Variants in SLC30A8 observed in about 807,000 individuals in gnomAD.
SLC30A8 encodes proton-coupled zinc antiporter SLC30A8.
Under a neutral mutation model 36.9 loss-of-function variants are expected in SLC30A8, and 27 were observed. The ratio of observed to expected loss-of-function variants is 0.73; its 90% CI spans 0.54 to 1.01. SLC30A8 has a LOEUF of 1.01. SLC30A8 is among the 50% of genes least tolerant of loss of function. The pLI is 0.00. For synonymous variants in SLC30A8, 164 were observed against 172.4 expected (o/e 0.95, Z 0.38); for missense variants, 439 against 452.0 (o/e 0.97, Z 0.26).
intron 2 of SLC30A8, among the ~76,000 whole-genome samples, chr8:117,065,349 C>G (rs937494396): frequency 3.3e-5 from 5 of 152,056 alleles, no homozygotes; most frequent in African/African-American, 9.6e-5. Context: ...ATAATAAATT[C>G]CTTATTTAGA....
chr8:117,118,176 C>CAAA (rs57091173), intron 2 of SLC30A8, among the ~76,000 whole-genome samples: 23 of 87,576 alleles, frequency 2.6e-4, no homozygotes, highest in African/African-American at 7.8e-4. Context: ...CTCTCTGTCT[C>CAAA]AAAAAAAAAA....
intron 1 of SLC30A8, among the ~76,000 whole-genome samples, chr8:117,010,671 A>T (rs1205692498): frequency 2.0e-5 from 3 of 152,218 alleles, no homozygotes; most frequent in South Asian, 4.1e-4. Flanking sequence ...TGGGTAATTT[A>T]CAAAGAAAAG....
At position 116,952,506 on chromosome 8, in the gene SLC30A8, A is replaced by G. The variant is rs550172482; in HGVS notation, c.-266+1387A>G. ...GTCACCCAGACTGGAGTGCAGAGGC[A>G]TGATTTCTGCTCTCTGCAAACTCCG... On this transcript the variant is annotated intron_variant, in intron 1 of 10. Coordinates refer to the SLC30A8 transcript ENST00000427715. Among the ~76,000 whole-genome samples, 8 of 151,926 alleles carry G rather than the reference A, an allele frequency of 5.3e-5. No individual in the cohort carries two copies. In the East Asian group the frequency reaches 1.2e-3, roughly 22 times the overall value.
intron 6 of SLC30A8, among the ~76,000 whole-genome samples, chr8:117,170,362 A>T (rs978767096): frequency 6.6e-6 from 1 of 152,144 alleles, no homozygotes; most frequent in Non-Finnish European, 1.5e-5. Context: ...AGTAGAGGCT[A>T]AAAAAGGGCT....
intron 2 of SLC30A8, among the ~76,000 whole-genome samples, chr8:117,076,110 A>C (rs1369057011): frequency 6.6e-6 from 1 of 152,180 alleles, no homozygotes; most frequent in Admixed American, 6.5e-5. Flanking sequence ...TCAGACTTTA[A>C]AAAGTTACTA....
intron 2 of SLC30A8, among the ~76,000 whole-genome samples, chr8:117,092,031 A>T (rs2130832202): frequency 6.6e-6 from 1 of 152,302 alleles, no homozygotes; most frequent in African/African-American, 2.4e-5. Flanking sequence ...ATGACATAGA[A>T]GGAATGGGAA....
At chr8:117,125,922 A>G (rs1198543731) in intron 2 of SLC30A8, among the ~76,000 whole-genome samples, 1 of 152,036 alleles carries the variant, frequency 6.6e-6, no homozygotes, top group South Asian at 2.1e-4. Flanking sequence ...AGTATCTGTA[A>G]TAAGAGGATC....
At chr8:117,121,119 G>A (rs1415813556) in intron 2 of SLC30A8, among the ~76,000 whole-genome samples, 1 of 151,724 alleles carries the variant, frequency 6.6e-6, no homozygotes, top group East Asian at 1.9e-4. Context: ...AGAACAATGG[G>A]ATCCAGCAAT....
At chr8:117,086,862 A>G (rs1244392049) in intron 2 of SLC30A8, among the ~76,000 whole-genome samples, 5 of 152,354 alleles carry the variant, frequency 3.3e-5, no homozygotes, top group Middle Eastern at 3.4e-3. Flanking sequence ...AATCACTAAT[A>G]AAATCTAACA....
intron 1 of SLC30A8, among the ~76,000 whole-genome samples, chr8:117,016,827 A>C (rs1816534713): frequency 6.6e-6 from 1 of 152,182 alleles, no homozygotes; most frequent in Admixed American, 6.5e-5. Context: ...ATTTATTCTG[A>C]AGCTTTCTCC....
intron 1 of SLC30A8, among the ~76,000 whole-genome samples, chr8:116,973,735 A>G (rs1408637865): frequency 6.6e-6 from 1 of 152,210 alleles, no homozygotes; most frequent in Non-Finnish European, 1.5e-5. Flanking sequence ...TGCCAAGACA[A>G]TCCTAAGCCA....
intron 1 of SLC30A8, among the ~76,000 whole-genome samples, chr8:116,981,685 A>G (rs186822416): frequency 0.011 from 1,726 of 152,144 alleles, 11 homozygotes; most frequent in South Asian, 0.023. Flanking sequence ...TTCTGTTTCT[A>G]TATTAGCTCA....
intron 1 of SLC30A8, among the ~76,000 whole-genome samples, chr8:117,004,629 C>G (rs1202303934): frequency 1.3e-5 from 2 of 152,126 alleles, no homozygotes; most frequent in African/African-American, 4.8e-5. Flanking sequence ...AATAGTTAAT[C>G]ATTCAATCAA....
intron 2 of SLC30A8, among the ~76,000 whole-genome samples, chr8:117,110,494 T>C (rs552498805): frequency 1.3e-5 from 2 of 152,232 alleles, no homozygotes; most frequent in South Asian, 4.1e-4. Flanking sequence ...GGGGCGGCCA[T>C]CAAACTCGTA....
intron 1 of SLC30A8, among the ~76,000 whole-genome samples, chr8:116,979,771 G>C (rs1815192522): frequency 6.6e-6 from 1 of 152,148 alleles, no homozygotes; most frequent in Non-Finnish European, 1.5e-5. Flanking sequence ...GCAAGATGTC[G>C]CTACCCATGA....
intron 1 of SLC30A8, among the ~76,000 whole-genome samples, chr8:116,986,582 A>C (rs572107480): frequency 2.4e-4 from 37 of 152,232 alleles, no homozygotes; most frequent in Non-Finnish European, 4.7e-4. Flanking sequence ...AAGTCAGAAG[A>C]TAGACCGAAA....
In SLC30A8 at chr8:117,138,060, C is replaced by CAAAA. The variant is rs60065374; in HGVS notation, c.71+2679_71+2682dup. ...TCTCTGGGCTTTGGGTTCATTGTAG[C>CAAAA]AAAAAAAAAAAAAAAAAAAAGAAAA... is the stretch of plus-strand genomic sequence containing the variant. On this transcript the variant is annotated intron_variant, in intron 1 of 7. Transcript: ENST00000456015. Among the ~76,000 whole-genome samples, 13 of 49,934 alleles carry CAAAA rather than the reference C, an allele frequency of 2.6e-4. 1 individual carries two copies. Among genetic ancestry groups the CAAAA allele is most frequent in the African/African-American group, 4.2e-4 (6 of 14,264 alleles). 32.8% of individuals were successfully genotyped at this position (49,934 alleles called of 152,430 possible). A position where few individuals can be genotyped will look rare whatever the true frequency, so the allele number is the denominator to read the frequency against.
At chr8:117,018,640 G>A (rs895926685) in intron 1 of SLC30A8, among the ~76,000 whole-genome samples, 4 of 151,052 alleles carry the variant, frequency 2.6e-5, no homozygotes, top group Non-Finnish European at 4.4e-5. Context: ...TGAAAACTGC[G>A]GCCTGTGGGC....
intron 1 of SLC30A8, among the ~76,000 whole-genome samples, chr8:116,989,899 T>C (rs1815572045): frequency 6.6e-6 from 1 of 152,192 alleles, no homozygotes; most frequent in Admixed American, 6.5e-5. Flanking sequence ...TCTAGTGTAT[T>C]GATAATAAGA....
Sources: gnomAD v4.1 joint callset for allele counts (sites outside exome capture counted in the v4.1 genomes callset) on GRCh38, gnomAD v4.1.1 for gene constraint, MANE v1.5 for transcripts, NCBI Gene and HGNC (gene_info 2026-07-23, HGNC 2026-07-21) for gene names.